ZNF248: variants seen among roughly 807,000 people sequenced by gnomAD.
ZNF248 encodes the protein KRAB protein domain.
Under a neutral mutation model 44.3 loss-of-function variants are expected in ZNF248, and 20 were observed. The observed-to-expected ratio is 0.45, with a 90% CI of 0.32 to 0.66. The LOEUF is 0.66. ZNF248 is among the 30% of genes least tolerant of loss of function. The pLI, the probability that ZNF248 is intolerant of heterozygous loss-of-function variation, is 0.04. For missense variants in ZNF248, 654 were observed against 677.0 expected (o/e 0.97, Z 0.38); for synonymous variants, 224 against 229.0 (o/e 0.98, Z 0.20).
intron 6 of ZNF248, among the ~76,000 whole-genome samples, chr10:37,816,310 A>T (rs889598609): frequency 1.3e-5 from 2 of 152,226 alleles, no homozygotes; most frequent in Non-Finnish European, 2.9e-5. Context: ...CAGAAGGAGC[A>T]ATCAGTGACT....
intron 6 of ZNF248, among the ~76,000 whole-genome samples, chr10:37,814,414 C>T (rs1201759955): frequency 1.3e-5 from 2 of 152,222 alleles, no homozygotes; most frequent in Admixed American, 1.3e-4. Context: ...AGTGGAATTA[C>T]TAACCAAAGT....
In ZNF248 at chr10:37,832,934, C is replaced by A. The variant is rs759816911; in HGVS notation, c.421G>T (p.Asp141Tyr). The change falls in exon 6 of 6, where the codon GAC becomes TAC. Residue 141 changes from aspartate (D) to tyrosine (Y), a missense_variant. Physicochemically the swap from Asp to Tyr is radical, Grantham distance 160. Coordinates refer to ENST00000395867, the MANE Select transcript of ZNF248 (RefSeq NM_021045.3). ...TTTTTCAAATTCATTTCACATGAGT[C>A]ACATATTTTATAGGGATAATTTCTT... ...SLRNYPYKIC[D>Y]SCEMNLKNIS... 2 of 1,613,328 alleles carry A rather than the reference C, an allele frequency of 1.2e-6. No individual in the cohort carries two copies. Among genetic ancestry groups the A allele is most frequent in the Admixed American group, 1.7e-5 (1 of 59,906 alleles).
intron 5 of ZNF248, among the ~76,000 whole-genome samples, chr10:37,834,017 G>C (rs2056561109): frequency 6.6e-6 from 1 of 152,138 alleles, no homozygotes; most frequent in Admixed American, 6.6e-5. Context: ...AGTTTGGCTA[G>C]AGATTAGACT....
chr10:37,849,186 C>A (rs988759612), intron 3 of ZNF248, among the ~76,000 whole-genome samples: 3 of 152,076 alleles, frequency 2.0e-5, no homozygotes, highest in Non-Finnish European at 2.9e-5. Context: ...ATAATCCCAG[C>A]ACTTTGAAAG....
At chr10:37,811,647 C>A (rs1168108598) in intron 6 of ZNF248, among the ~76,000 whole-genome samples, 1 of 145,044 alleles carries the variant, frequency 6.9e-6, no homozygotes, top group Non-Finnish European at 1.5e-5. Context: ...CCAGTCTGGG[C>A]AACATGGCAA....
At chr10:37,845,447 G>GAATAAAC (rs1194407301) in intron 3 of ZNF248, among the ~76,000 whole-genome samples, 1 of 144,840 alleles carries the variant, frequency 6.9e-6, no homozygotes, top group Non-Finnish European at 1.5e-5. Context: ...TCTTAAATAA[G>GAATAAAC]AATAAACAAA....
intron 6 of ZNF248, chr10:37,776,613 C>T (rs568838430): frequency 1.8e-5 from 7 of 397,940 alleles, no homozygotes; most frequent in Middle Eastern, 6.3e-4. Flanking sequence ...AAACTTCACT[C>T]AGGGTTCCAA....
intron 6 of ZNF248, among the ~76,000 whole-genome samples, chr10:37,821,702 C>T (rs923948213): frequency 6.6e-5 from 10 of 152,208 alleles, no homozygotes; most frequent in Non-Finnish European, 1.3e-4. Flanking sequence ...TCAACCCTGA[C>T]CCTGGAGCAC....
rs142697118 is a variant in ZNF248 at position 37,802,598 on chromosome 10, G to T, written c.331-26023C>A. Among the ~76,000 whole-genome samples the T allele has an allele frequency of 2.9e-4, 44 of 152,178 alleles. No individual in the cohort carries two copies. In the East Asian group the frequency reaches 8.3e-3, roughly 29 times the overall value. ...TTACAATACAGAAAAGAAAAACTGCGCAGTCATTAAAACACTGGAAAAAAA... is the reference window on the plus strand; with the variant it reads ...TTACAATACAGAAAAGAAAAACTGCTCAGTCATTAAAACACTGGAAAAAAA... On this transcript the variant is annotated intron_variant, in intron 6 of 6. Transcript: ENST00000615949.
the ZNF248 span, among the ~76,000 whole-genome samples, chr10:37,770,225 T>A: frequency 3.9e-5 from 6 of 152,064 alleles, no homozygotes; most frequent in African/African-American, 1.4e-4. Context: ...TTCAATGCCA[T>A]CCCCATCAAG....
At chr10:37,766,477 T>A in the ZNF248 span, among the ~76,000 whole-genome samples, 1 of 152,152 alleles carries the variant, frequency 6.6e-6, no homozygotes. Flanking sequence ...CAGCCACCAC[T>A]GTTCTGCAGC....
chr10:37,783,261 GC>G (rs1311430467), intron 6 of ZNF248, among the ~76,000 whole-genome samples: 1 of 152,104 alleles, frequency 6.6e-6, no homozygotes, highest in African/African-American at 2.4e-5. Flanking sequence ...GTCATATCAT[GC>G]CCCATCTTAT....
chr10:37,854,542 G>A (rs1246130458), intron 3 of ZNF248, among the ~76,000 whole-genome samples: 3 of 152,232 alleles, frequency 2.0e-5, no homozygotes, highest in African/African-American at 2.4e-5. Context: ...TTTACCTATC[G>A]GTTGCCCCAA....
At chr10:37,818,659 C>T (rs2052954877) in intron 6 of ZNF248, 1 of 516,954 alleles carries the variant, frequency 1.9e-6, no homozygotes, top group Admixed American at 2.7e-5. Flanking sequence ...GCAGCCCCAG[C>T]AGGGCTACTC....
the ZNF248 span, among the ~76,000 whole-genome samples, chr10:37,766,803 G>T: frequency 6.6e-6 from 1 of 152,156 alleles, no homozygotes; most frequent in African/African-American, 2.4e-5. Context: ...AGAGAAGAAG[G>T]CTTCAGATGA....
chr10:37,815,834 C>G (rs1338762435), intron 6 of ZNF248, among the ~76,000 whole-genome samples: 1 of 151,908 alleles, frequency 6.6e-6, no homozygotes, highest in Non-Finnish European at 1.5e-5. Context: ...TACAGGGTGT[C>G]TGCATATGAA....
intron 6 of ZNF248, among the ~76,000 whole-genome samples, chr10:37,777,096 T>C (rs1345475617): frequency 2.0e-5 from 3 of 152,170 alleles, no homozygotes; most frequent in Non-Finnish European, 4.4e-5. Flanking sequence ...GGATGTGCTA[T>C]ACAAAATGGG....
intron 6 of ZNF248, among the ~76,000 whole-genome samples, chr10:37,786,970 A>T (rs2047942583): frequency 6.6e-6 from 1 of 152,298 alleles, no homozygotes; most frequent in Non-Finnish European, 1.5e-5. Flanking sequence ...TGTAAAACTT[A>T]TACTACTTGA....
At chr10:37,820,614 T>A (rs2053309383) in intron 6 of ZNF248, 1 of 1,573,640 alleles carries the variant, frequency 6.4e-7, no homozygotes, top group Non-Finnish European at 8.7e-7. Flanking sequence ...CCCCCAGCAG[T>A]GCCTTTCCCT....
Sources: allele counts gnomAD v4.1 joint callset (sites outside exome capture counted in the v4.1 genomes callset), GRCh38; gene constraint gnomAD v4.1.1; transcripts MANE v1.5; gene names NCBI Gene and HGNC (gene_info 2026-07-23, HGNC 2026-07-21).